SMAP2: variants seen among roughly 807,000 people sequenced by gnomAD.
The protein encoded by SMAP2 is stromal membrane-associated protein 2.
A neutral mutation model predicts 56.4 loss-of-function variants in SMAP2; 25 were observed. The observed-to-expected ratio is 0.44, with a 90% CI of 0.32 to 0.62. The LOEUF is 0.62. SMAP2 is among the 20% of genes least tolerant of loss of function. The pLI is 0.04. For synonymous variants in SMAP2, 157 were observed against 181.7 expected, an observed-to-expected ratio of 0.86 and a Z score of 1.09; for missense variants, 388 against 545.6, an observed-to-expected ratio of 0.71 and a Z score of 2.88.
chr1:40,409,648 C>A, intron 3 of SMAP2, 109 bp from the exon 4 acceptor site: 2 of 738,830 alleles, frequency 2.7e-6, no homozygotes, highest in South Asian at 3.5e-5. Flanking sequence ...TGTGGGGAAA[C>A]CAGGCAAGAG....
At chr1:40,394,272 A>G (rs1355999715) in intron 1 of SMAP2, among the ~76,000 whole-genome samples, 1 of 152,122 alleles carries the variant, frequency 6.6e-6, no homozygotes, top group East Asian at 1.9e-4. Context: ...TAGGGATTGG[A>G]AGGATTTTGA....
intron 1 of SMAP2, among the ~76,000 whole-genome samples, chr1:40,356,398 G>GTTTT (rs749954980): frequency 3.4e-5 from 5 of 147,182 alleles, no homozygotes; most frequent in Non-Finnish European, 4.5e-5. Context: ...TTTTTTGTGG[G>GTTTT]TTTTTTGTTT....
At chr1:40,411,126 GC>G (rs1355241454) in intron 4 of SMAP2, among the ~76,000 whole-genome samples, 1 of 152,144 alleles carries the variant, frequency 6.6e-6, no homozygotes, top group Non-Finnish European at 1.5e-5. Context: ...TTCAACACAG[GC>G]AAGTAAGTGT....
At chr1:40,420,819 TA>T (rs1455080422) in intron 9 of SMAP2, among the ~76,000 whole-genome samples, 1 of 152,182 alleles carries the variant, frequency 6.6e-6, no homozygotes, top group African/African-American at 2.4e-5. Flanking sequence ...CCTGGGTTCT[TA>T]AAAATGTCAG....
At chr1:40,381,858 T>G (rs1644603098) in intron 1 of SMAP2, among the ~76,000 whole-genome samples, 1 of 152,216 alleles carries the variant, frequency 6.6e-6, no homozygotes, top group African/African-American at 2.4e-5. Context: ...TCCATTGAAA[T>G]GTACCTTTGT....
chr1:40,421,936 G>A, intron 9 of SMAP2, 40 bp from the exon 10 acceptor site: 1 of 1,613,434 alleles, frequency 6.2e-7, no homozygotes, highest in Non-Finnish European at 8.5e-7. Context: ...TTGGCGGAAT[G>A]CCCACAGCCT....
chr1:40,418,802 C>G (rs181306856), intron 9 of SMAP2, among the ~76,000 whole-genome samples: 1 of 152,140 alleles, frequency 6.6e-6, no homozygotes, highest in Non-Finnish European at 1.5e-5. Context: ...TATTTTACAA[C>G]CAAGCCAGCC....
intron 1 of SMAP2, among the ~76,000 whole-genome samples, chr1:40,352,282 G>A (rs888321867): frequency 2.6e-5 from 4 of 152,028 alleles, no homozygotes; most frequent in African/African-American, 9.7e-5. Context: ...AGCATACAAG[G>A]CCTTTCGTGA....
At chr1:40,413,240 T>C (rs1644954817) in intron 5 of SMAP2, 138 bp downstream of exon 5, 1 of 692,280 alleles carries the variant, frequency 1.4e-6, no homozygotes, top group Non-Finnish European at 2.6e-6. Flanking sequence ...TGGATTGGAC[T>C]GCCTGCTATC....
chr1:40,379,768 G>A (rs976271408), intron 1 of SMAP2, among the ~76,000 whole-genome samples: 1 of 152,220 alleles, frequency 6.6e-6, no homozygotes, highest in African/African-American at 2.4e-5. Flanking sequence ...CTGACCTCAA[G>A]TGATCTGCCC....
intron 1 of SMAP2, among the ~76,000 whole-genome samples, chr1:40,346,872 T>A (rs1644387781): frequency 6.6e-6 from 1 of 152,004 alleles, no homozygotes; most frequent in Non-Finnish European, 1.5e-5. Context: ...TTAATTTTTT[T>A]AGAGACAAAC....
intron 2 of SMAP2, among the ~76,000 whole-genome samples, chr1:40,364,222 T>C (rs746353450): frequency 6.6e-6 from 1 of 152,218 alleles, no homozygotes; most frequent in Non-Finnish European, 1.5e-5. Context: ...TTTATTACTG[T>C]GGCTTCTCTA....
rs200385638 is a variant in SMAP2, at chr1:40,374,577, TTGCG to T, written c.103+373_103+376del. 110 of 927,468 alleles carry T rather than the reference TTGCG, an allele frequency of 1.2e-4. No individual in the cohort carries two copies. Among genetic ancestry groups the T allele is most frequent in the Middle Eastern group, 2.4e-4 (1 of 4,252 alleles). The allele number at this position is 927,468 out of a possible 1,614,324, so 57.5% of individuals were successfully genotyped here. Reference sequence around the variant, plus strand: ...CTTGCAAAGCTGGGGATGAACTGCATTGCGTGCGTGCGTGCGTGCGTGTGTGTGT... The same window carrying T: ...CTTGCAAAGCTGGGGATGAACTGCATTGCGTGCGTGCGTGCGTGTGTGTGT... On this transcript the variant is annotated intron_variant, in intron 1 of 9. Coordinates refer to ENST00000372718, the MANE Select transcript of SMAP2 (RefSeq NM_022733.3). The surrounding 1 kb of genome is among the most constrained non-coding windows in gnomAD (Gnocchi z 5.9).
chr1:40,365,023 C>A, intron 2 of SMAP2: 1 of 224,488 alleles, frequency 4.5e-6, no homozygotes, highest in South Asian at 7.8e-5. Flanking sequence ...GGTGCTATGT[C>A]TGGCTGTGGC....
At chr1:40,381,594 T>G (rs1183960065) in intron 1 of SMAP2, among the ~76,000 whole-genome samples, 1 of 152,056 alleles carries the variant, frequency 6.6e-6, no homozygotes. Context: ...GACTGCATGT[T>G]GAGGAGTGAT....
chr1:40,388,908 G>A (rs916361069), intron 1 of SMAP2, among the ~76,000 whole-genome samples: 1 of 151,448 alleles, frequency 6.6e-6, no homozygotes, highest in African/African-American at 2.4e-5. Context: ...CGAACCCACC[G>A]GGAGGAACGA....
At chr1:40,348,344 T>G (rs1273452025) in intron 1 of SMAP2, among the ~76,000 whole-genome samples, 1 of 152,156 alleles carries the variant, frequency 6.6e-6, no homozygotes, top group Non-Finnish European at 1.5e-5. Context: ...CAAGGTTACC[T>G]GCTTTCTACT....
rs1644938767 is a variant in SMAP2 at position 40,411,820 on chromosome 1, A to G, written c.403-1196A>G. Among the ~76,000 whole-genome samples, 3 of 152,240 alleles carry G rather than the reference A, an allele frequency of 2.0e-5. No homozygotes were observed. In the South Asian group the frequency reaches 6.2e-4, roughly 32 times the overall value. On this transcript the variant is annotated intron_variant, in intron 4 of 9. Transcript: ENST00000372718. ...AAAAACAGCTGCATGTATTGATTAT[A>G]AAATTATTTTAGAGAAAATGAAAAT...
rs1422115898 is a variant in SMAP2, at chr1:40,422,049, G to A, written c.1238G>A (p.Gly413Asp). 9.3e-6 allele frequency: 15 copies of A among 1,614,146 alleles called. No homozygotes were observed. Among genetic ancestry groups the A allele is most frequent in the Non-Finnish European group, 1.3e-5 (15 of 1,180,024 alleles). Residue 413 changes from glycine to aspartate, a missense_variant, in exon 10 of 10, where the codon GGC becomes GAC. Coordinates refer to ENST00000372718, the MANE Select transcript of SMAP2 (RefSeq NM_022733.3). ...ATGAACTATGGACAGTCAATGAGTG[G>A]CGGAAATGGACAGGCAGCAAATCAG... ...GMMNYGQSMS[G>D]GNGQAANQTL...
Sources: gnomAD v4.1 joint callset for allele counts (sites outside exome capture counted in the v4.1 genomes callset) on GRCh38, gnomAD v4.1.1 for gene constraint, Gnocchi (gnomAD v3.1) non-coding constraint, MANE v1.5 for transcripts, NCBI Gene and HGNC (gene_info 2026-07-23, HGNC 2026-07-21) for gene names.